GABBR2: variants seen among roughly 807,000 people sequenced by gnomAD.
GABBR2 encodes G-protein coupled receptor 51.
In GABBR2, 23 loss-of-function variants were observed where a neutral mutation model predicts 105.6. That is an observed-to-expected ratio of 0.22 (90% CI 0.16 to 0.31). The LOEUF (loss-of-function observed/expected upper bound fraction) is 0.31, where lower values mean the gene tolerates loss of function less well. Ranked by LOEUF, GABBR2 falls within the 10% of genes least tolerant of loss-of-function variation. GABBR2 has a pLI of 1.00. For synonymous variants in GABBR2, 478 were observed against 499.7 expected, an observed-to-expected ratio of 0.96 and a Z score of 0.58; for missense variants, 734 against 1,245.5, an observed-to-expected ratio of 0.59 and a Z score of 6.18.
At chr9:98,661,320 A>G (rs558064015) in intron 1 of GABBR2, among the ~76,000 whole-genome samples, 1 of 152,326 alleles carries the variant, frequency 6.6e-6, no homozygotes, top group South Asian at 2.1e-4. Flanking sequence ...TATTAAGCCT[A>G]CACTGTGGGC....
chr9:98,387,616 C>CA (rs1382832184), intron 10 of GABBR2, among the ~76,000 whole-genome samples: 1 of 151,854 alleles, frequency 6.6e-6, no homozygotes, highest in Non-Finnish European at 1.5e-5. Context: ...CAACTGCTAT[C>CA]AAAAAAAGCC....
intron 6 of GABBR2, among the ~76,000 whole-genome samples, chr9:98,456,770 TTGTTAAGAAAAACATATATATC>T (rs2131607217): frequency 6.6e-6 from 1 of 152,388 alleles, no homozygotes; most frequent in Admixed American, 6.5e-5. Flanking sequence ...AATTGTCAGT[TTGTTAAGAAAAACATATATATC>T]TGTTAAGAAA....
At chr9:98,393,072 A>ATCCATC (rs1832217108) in intron 9 of GABBR2, among the ~76,000 whole-genome samples, 1 of 143,784 alleles carries the variant, frequency 7.0e-6, no homozygotes, top group African/African-American at 2.6e-5. Flanking sequence ...CCATCCATCC[A>ATCCATC]CACACCCACT....
Position 98,569,558 on chromosome 9 carries a change from T to C in GABBR2, c.459+8377A>G, listed in dbSNP as rs933477918. On this transcript the variant is annotated intron_variant, in intron 2 of 18. Transcript: ENST00000259455. ...GGAGAAAAAACAACTGCATAAAACA[T>C]AGAAGGCAGGTTTGCTATTCCCATT... Among the ~76,000 whole-genome samples, 4 of 152,178 alleles carry C rather than the reference T, an allele frequency of 2.6e-5. 1 individual carries two copies. The highest frequency in any genetic ancestry group is 4.1e-4 in the South Asian group (2 of 4,836).
chr9:98,530,475 C>T (rs1828044679), intron 3 of GABBR2, among the ~76,000 whole-genome samples: 1 of 152,154 alleles, frequency 6.6e-6, no homozygotes, highest in Admixed American at 6.5e-5. Flanking sequence ...TGAGTGAGTC[C>T]GCTCTCTAAA....
intron 13 of GABBR2, among the ~76,000 whole-genome samples, chr9:98,322,825 CT>C (rs1353582743): frequency 6.6e-6 from 1 of 152,152 alleles, no homozygotes; most frequent in Non-Finnish European, 1.5e-5. Flanking sequence ...AAACATCTTC[CT>C]TCCTGTCTTT....
chr9:98,304,659 C>G (rs531830855), intron 15 of GABBR2, among the ~76,000 whole-genome samples: 7 of 152,284 alleles, frequency 4.6e-5, no homozygotes, highest in Admixed American at 1.3e-4. Flanking sequence ...CCATGGGTAG[C>G]CTGTTTGCTG....
At chr9:98,375,438 C>T (rs1831855373) in intron 11 of GABBR2, 2 of 152,170 alleles carry the variant, frequency 1.3e-5, no homozygotes, top group African/African-American at 4.8e-5. Context: ...ATCTGATTAC[C>T]TGTCTGCCTC....
chr9:98,314,836 C>T (rs906749799), intron 13 of GABBR2, among the ~76,000 whole-genome samples: 1 of 152,186 alleles, frequency 6.6e-6, no homozygotes, highest in African/African-American at 2.4e-5. Flanking sequence ...TTTACCACTG[C>T]TCTACAGATT....
At chr9:98,430,563 T>C (rs1825789345) in intron 7 of GABBR2, among the ~76,000 whole-genome samples, 1 of 152,200 alleles carries the variant, frequency 6.6e-6, no homozygotes, top group South Asian at 2.1e-4. Context: ...AGGATCCTTC[T>C]GCCTGTCTTT....
Position 98,327,870 on chromosome 9 carries a change from A to AAT in GABBR2, c.1894-16666_1894-16665insAT, listed in dbSNP as rs1554691260. ...GGTGACAGAGTGAGACTGTCTCAAA[A>AAT]AAAATAAAATAAAATAAAATAAAAC... On this transcript the variant is annotated intron_variant, in intron 13 of 18. Transcript: ENST00000259455. 2.0e-4 allele frequency among the ~76,000 whole-genome samples: 30 copies of AAT among 151,064 alleles called. 1 individual carries two copies. The highest frequency in any genetic ancestry group is 1.6e-3 in the East Asian group (8 of 5,064).
intron 9 of GABBR2, among the ~76,000 whole-genome samples, chr9:98,393,130 CCATCCATCCATCCACT>C (rs1832220202): frequency 7.0e-6 from 1 of 143,622 alleles, no homozygotes; most frequent in Non-Finnish European, 1.5e-5. Flanking sequence ...ATCCACCCAA[CCATCCATCCATCCACT>C]CATCCACCAA....
intron 3 of GABBR2, chr9:98,515,868 A>G (rs894365798): frequency 2.0e-5 from 3 of 152,376 alleles, no homozygotes; most frequent in African/African-American, 7.2e-5. Flanking sequence ...TCACTTGCCC[A>G]AAGCCTTACA....
At chr9:98,706,100 C>CAAAAAAAAAAAAAAAAAAAAA (rs1261779483) in intron 1 of GABBR2, among the ~76,000 whole-genome samples, 1 of 31,266 alleles carries the variant, frequency 3.2e-5, no homozygotes, top group African/African-American at 9.4e-5. Flanking sequence ...CAAAACAAAA[C>CAAAAAAAAAAAAAAAAAAAAA]AAAAAAAACA....
chr9:98,592,706 A>G (rs1470464285), intron 1 of GABBR2, among the ~76,000 whole-genome samples: 1 of 152,246 alleles, frequency 6.6e-6, no homozygotes, highest in Non-Finnish European at 1.5e-5. Context: ...TATTTCACCA[A>G]GTGAAGGAAT....
At chr9:98,338,654 T>C (rs568997557) in intron 13 of GABBR2, among the ~76,000 whole-genome samples, 1 of 152,158 alleles carries the variant, frequency 6.6e-6, no homozygotes, top group Non-Finnish European at 1.5e-5. Flanking sequence ...TGTGGAGAAA[T>C]TGGAACCCTC....
intron 3 of GABBR2, among the ~76,000 whole-genome samples, chr9:98,528,472 G>A (rs961690348): frequency 6.6e-6 from 1 of 152,046 alleles, no homozygotes; most frequent in African/African-American, 2.4e-5. Context: ...AAATTTAACT[G>A]TATAACACAC....
chr9:98,704,754 A>G lies in GABBR2; in HGVS notation c.321+3663T>C, dbSNP rs565516406. 2.0e-4 allele frequency among the ~76,000 whole-genome samples: 14 copies of G among 68,784 alleles called. No homozygotes were observed. In the South Asian group the frequency reaches 5.5e-3, roughly 27 times the overall value. The allele number at this position is 68,784 out of a possible 152,430, so 45.1% of individuals were successfully genotyped here. On this transcript the variant is annotated intron_variant, in intron 1 of 18. Transcript: ENST00000259455. ...AGCTTTTCCACAATGAACATTAATC[A>G]AATTGAAAAAAAATATCTTTAACTC...
chr9:98,386,566 C>T (rs573870616), intron 10 of GABBR2, among the ~76,000 whole-genome samples: 3 of 152,302 alleles, frequency 2.0e-5, no homozygotes, highest in African/African-American at 7.2e-5. Flanking sequence ...CCTTCTCTGT[C>T]ATTTCCTCCC....
Sources: gnomAD v4.1 joint callset for allele counts (sites outside exome capture counted in the v4.1 genomes callset) on GRCh38, gnomAD v4.1.1 for gene constraint, MANE v1.5 for transcripts, NCBI Gene and HGNC (gene_info 2026-07-23, HGNC 2026-07-21) for gene names.